OR1J2: variants seen among roughly 807,000 people sequenced by gnomAD.
The protein encoded by OR1J2 is olfactory receptor family 1 subfamily J member 2.
For synonymous variants in OR1J2, 142 were observed against 99.7 expected (o/e 1.42, Z -2.52); for missense variants, 304 against 246.1 (o/e 1.24, Z -1.57).
chr9:122,484,117 A>G, the OR1J2 span, among the ~76,000 whole-genome samples: 347 of 152,058 alleles, frequency 2.3e-3, no homozygotes, highest in African/African-American at 8.0e-3. Context: ...TCTTATTTCT[A>G]TGTTTTCCCA....
At chr9:122,457,018 A>G in the OR1J2 span, among the ~76,000 whole-genome samples, 1 of 152,238 alleles carries the variant, frequency 6.6e-6, no homozygotes. Context: ...TGGTAAGTAT[A>G]CACCATGAAA....
the OR1J2 span, among the ~76,000 whole-genome samples, chr9:122,565,282 A>G: frequency 1.3e-5 from 2 of 152,228 alleles, no homozygotes; most frequent in Non-Finnish European, 2.9e-5. Flanking sequence ...TGAATGGGCA[A>G]AGATATGAAG....
chr9:122,466,318 A>C, the OR1J2 span, among the ~76,000 whole-genome samples: 1 of 152,174 alleles, frequency 6.6e-6, no homozygotes, highest in Non-Finnish European at 1.5e-5. Flanking sequence ...CCCAAAACCT[A>C]ATGAACCAGA....
the OR1J2 span, among the ~76,000 whole-genome samples, chr9:122,518,760 A>T: frequency 6.6e-6 from 1 of 152,224 alleles, no homozygotes; most frequent in Non-Finnish European, 1.5e-5. Flanking sequence ...GTCAAATTTT[A>T]AAAAGTTCAA....
At chr9:122,487,239 A>T in the OR1J2 span, among the ~76,000 whole-genome samples, 2 of 152,030 alleles carry the variant, frequency 1.3e-5, no homozygotes, top group Non-Finnish European at 2.9e-5. Context: ...AAAAATGCAG[A>T]TTATTATTAT....
At chr9:122,508,719 T>C (rs890030892), upstream of OR1J2, among the ~76,000 whole-genome samples, 2 of 152,204 alleles carry the variant, frequency 1.3e-5, no homozygotes, top group Admixed American at 6.5e-5. Flanking sequence ...ACCAGAATAT[T>C]TGGATATACC....
chr9:122,489,840 G>A, the OR1J2 span, among the ~76,000 whole-genome samples: 1 of 152,170 alleles, frequency 6.6e-6, no homozygotes, highest in Non-Finnish European at 1.5e-5. Context: ...AGGCACAGTT[G>A]ATAGATTACA....
the OR1J2 span, chr9:122,526,922 A>G: frequency 1.9e-6 from 3 of 1,614,050 alleles, no homozygotes; most frequent in Non-Finnish European, 2.5e-6. Context: ...GGGGGTGGCA[A>G]ATGGCCACAT....
chr9:122,530,641 G>T, the OR1J2 span, among the ~76,000 whole-genome samples: 1 of 152,180 alleles, frequency 6.6e-6, no homozygotes, highest in African/African-American at 2.4e-5. Context: ...CACCAAACAG[G>T]CTTTGTGTGA....
chr9:122,464,552 A>G, the OR1J2 span, among the ~76,000 whole-genome samples: 1 of 151,788 alleles, frequency 6.6e-6, no homozygotes, highest in Admixed American at 6.6e-5. Flanking sequence ...TACACATGCC[A>G]CTCTGTCCGA....
the OR1J2 span, among the ~76,000 whole-genome samples, chr9:122,481,877 A>G: frequency 6.6e-6 from 1 of 152,222 alleles, no homozygotes; most frequent in Non-Finnish European, 1.5e-5. Flanking sequence ...AGGATTAAGG[A>G]CTTAAATATA....
At chr9:122,468,993 T>C in the OR1J2 span, among the ~76,000 whole-genome samples, 1 of 152,236 alleles carries the variant, frequency 6.6e-6, no homozygotes, top group African/African-American at 2.4e-5. Flanking sequence ...TGAGTTGTCC[T>C]GGTTTACAGA....
At chr9:122,539,510 A>G in the OR1J2 span, among the ~76,000 whole-genome samples, 4 of 152,138 alleles carry the variant, frequency 2.6e-5, no homozygotes, top group African/African-American at 9.7e-5. Context: ...GATCTAGTCT[A>G]TCATTGTTGG....
At chr9:122,522,123 A>G in the OR1J2 span, among the ~76,000 whole-genome samples, 2 of 152,208 alleles carry the variant, frequency 1.3e-5, no homozygotes, top group South Asian at 4.1e-4. Flanking sequence ...CCCTCTAGCC[A>G]TGCCAGGGCT....
At chr9:122,468,666 T>C in the OR1J2 span, among the ~76,000 whole-genome samples, 1 of 152,196 alleles carries the variant, frequency 6.6e-6, no homozygotes. Flanking sequence ...ATTCCCTCTC[T>C]GCCTAAGAGC....
the OR1J2 span, among the ~76,000 whole-genome samples, chr9:122,480,285 T>C: frequency 2.6e-5 from 4 of 152,138 alleles, no homozygotes; most frequent in African/African-American, 9.7e-5. Flanking sequence ...TTGACAAAAG[T>C]GCATTATAAA....
At chr9:122,513,186 A>G (rs113392383), downstream of OR1J2, among the ~76,000 whole-genome samples, 197 of 151,938 alleles carry the variant, frequency 1.3e-3, no homozygotes, top group African/African-American at 4.4e-3. Flanking sequence ...CTTTATATCC[A>G]CTCTTTTTGT....
the OR1J2 span, among the ~76,000 whole-genome samples, chr9:122,494,671 C>T: frequency 6.6e-6 from 1 of 152,070 alleles, no homozygotes; most frequent in South Asian, 2.1e-4. Flanking sequence ...GCATTTAGGC[C>T]ATTTACATTC....
the OR1J2 span, among the ~76,000 whole-genome samples, chr9:122,498,268 A>G: frequency 2.0e-5 from 3 of 152,182 alleles, no homozygotes; most frequent in Non-Finnish European, 4.4e-5. Context: ...AAGGATGCCA[A>G]TAATCCATAG....
Sources: gnomAD v4.1 joint callset for allele counts (sites outside exome capture counted in the v4.1 genomes callset) on GRCh38, gnomAD v4.1.1 for gene constraint, MANE v1.5 for transcripts, NCBI Gene and HGNC (gene_info 2026-07-23, HGNC 2026-07-21) for gene names.